STPG2: variants seen among roughly 807,000 people sequenced by gnomAD.
STPG2 encodes the protein sperm tail PG-rich repeat containing 2, also known as sperm-tail PG-rich repeat-containing protein 2.
STPG2 carries 56 observed loss-of-function variants against 54.2 expected under a neutral mutation model. The ratio of observed to expected loss-of-function variants is 1.03; its 90% CI spans 0.83 to 1.29. The LOEUF is 1.29. Ranked by LOEUF, STPG2 falls within the 50% of genes most tolerant of loss-of-function variation. The probability of loss-of-function intolerance (pLI) is 0.00; values close to 1 mark genes in which losing one functional copy is unlikely to be tolerated. For missense variants in STPG2, 596 were observed against 544.9 expected, an observed-to-expected ratio of 1.09 and a Z score of -0.93; for synonymous variants, 200 against 181.8, an observed-to-expected ratio of 1.10 and a Z score of -0.81.
chr4:97,867,978 T>G (rs1397525017), intron 8 of STPG2, among the ~76,000 whole-genome samples: 1 of 151,900 alleles, frequency 6.6e-6, no homozygotes, highest in African/African-American at 2.4e-5. Flanking sequence ...AAATTAGGGG[T>G]TTTATTTTTT....
chr4:98,055,890 C>T (rs1278563233), intron 5 of STPG2, among the ~76,000 whole-genome samples: 1 of 152,090 alleles, frequency 6.6e-6, no homozygotes, highest in East Asian at 1.9e-4. Flanking sequence ...TCTGGGAGCC[C>T]ACACCATAGC....
chr4:97,456,256 C>T (rs1202085104), intron 4 of STPG2, among the ~76,000 whole-genome samples: 1 of 152,070 alleles, frequency 6.6e-6, no homozygotes, highest in East Asian at 1.9e-4. Flanking sequence ...GCTGGGAGGC[C>T]TCAGGAAACT....
chr4:97,716,099 A>G (rs1484237236), intron 9 of STPG2, among the ~76,000 whole-genome samples: 2 of 152,210 alleles, frequency 1.3e-5, no homozygotes. Flanking sequence ...AAAGCTCATC[A>G]TCACTGGTCA....
chr4:97,953,566 G>C (rs993360353), intron 7 of STPG2, among the ~76,000 whole-genome samples: 1 of 152,182 alleles, frequency 6.6e-6, no homozygotes, highest in South Asian at 2.1e-4. Flanking sequence ...ACAGAATCAG[G>C]AATGGCTTCC....
intron 10 of STPG2, among the ~76,000 whole-genome samples, chr4:97,630,818 A>C (rs941274032): frequency 7.9e-5 from 12 of 151,878 alleles, no homozygotes; most frequent in Non-Finnish European, 1.2e-4. Flanking sequence ...TTAAAATACA[A>C]CAAAGAATAA....
At chr4:97,758,746 AAACC>A (rs1725804520) in intron 9 of STPG2, among the ~76,000 whole-genome samples, 10 of 152,146 alleles carry the variant, frequency 6.6e-5, no homozygotes, top group Admixed American at 6.6e-4. Context: ...CCTATGTAAG[AAACC>A]AGTACATTCT....
At chr4:97,920,734 G>C (rs1241029528) in intron 8 of STPG2, among the ~76,000 whole-genome samples, 2 of 152,202 alleles carry the variant, frequency 1.3e-5, no homozygotes, top group Non-Finnish European at 2.9e-5. Flanking sequence ...ATAGACGTGA[G>C]AAGTAAGAAA....
At chr4:97,763,074 G>T (rs1303259430) in intron 9 of STPG2, among the ~76,000 whole-genome samples, 1 of 152,048 alleles carries the variant, frequency 6.6e-6, no homozygotes, top group Non-Finnish European at 1.5e-5. Context: ...TGTATTATAA[G>T]TGCTGATACT....
At chr4:97,675,937 C>G (rs1201511218) in intron 10 of STPG2, among the ~76,000 whole-genome samples, 1 of 142,166 alleles carries the variant, frequency 7.0e-6, no homozygotes, top group African/African-American at 2.6e-5. Flanking sequence ...TATGTATATG[C>G]TATATATATA....
chr4:97,517,091 A>C (rs2148844757), intron 4 of STPG2, among the ~76,000 whole-genome samples: 1 of 151,880 alleles, frequency 6.6e-6, no homozygotes, highest in African/African-American at 2.4e-5. Context: ...TATTTTTAGT[A>C]AAGACAACGT....
intron 9 of STPG2, among the ~76,000 whole-genome samples, chr4:97,837,963 T>C (rs1466723551): frequency 2.0e-5 from 3 of 151,668 alleles, no homozygotes; most frequent in African/African-American, 7.2e-5. Flanking sequence ...TCTATATAGA[T>C]AGAAAGAAAA....
At chr4:97,823,543 AT>A (rs1429009221) in intron 9 of STPG2, among the ~76,000 whole-genome samples, 1 of 152,280 alleles carries the variant, frequency 6.6e-6, no homozygotes, top group East Asian at 1.9e-4. Flanking sequence ...TGGAGTAGCC[AT>A]TCTTTATTCC....
chr4:97,462,729 T>C (rs928431107), intron 4 of STPG2, among the ~76,000 whole-genome samples: 1 of 152,128 alleles, frequency 6.6e-6, no homozygotes, highest in Admixed American at 6.5e-5. Flanking sequence ...TTTATTTTTG[T>C]TCACTGACTG....
intron 9 of STPG2, among the ~76,000 whole-genome samples, chr4:97,726,890 C>T (rs1196476525): frequency 4.0e-5 from 6 of 151,500 alleles, no homozygotes; most frequent in East Asian, 1.9e-4. Flanking sequence ...TGGCAAGAGG[C>T]CTCCTCCAAC....
chr4:97,512,303 A>G (rs541100645), intron 4 of STPG2, among the ~76,000 whole-genome samples: 2 of 152,272 alleles, frequency 1.3e-5, no homozygotes, highest in South Asian at 2.1e-4. Context: ...CATGATTGGC[A>G]TCAATAACTA....
At chr4:97,992,521 G>A (rs1358449449) in intron 5 of STPG2, among the ~76,000 whole-genome samples, 1 of 152,128 alleles carries the variant, frequency 6.6e-6, no homozygotes, top group Admixed American at 6.6e-5. Context: ...ATAGTTTCAA[G>A]TCGAGTAATG....
At chr4:97,545,194 G>C (rs1731808499) in intron 4 of STPG2, among the ~76,000 whole-genome samples, 1 of 152,082 alleles carries the variant, frequency 6.6e-6, no homozygotes, top group Admixed American at 6.6e-5. Context: ...AAAAGGTAAA[G>C]TGAGTCAACC....
chr4:97,605,059 T>C (rs1733558949), intron 10 of STPG2, among the ~76,000 whole-genome samples: 1 of 151,738 alleles, frequency 6.6e-6, no homozygotes, highest in African/African-American at 2.4e-5. Flanking sequence ...TAACGGAAAA[T>C]AACCCATTAA....
intron 9 of STPG2, among the ~76,000 whole-genome samples, chr4:97,795,404 T>C (rs1481635897): frequency 6.6e-6 from 1 of 152,188 alleles, no homozygotes; most frequent in Non-Finnish European, 1.5e-5. Flanking sequence ...TGTCCAAGTG[T>C]TCTCATTGTT....
Sources: gnomAD v4.1 joint callset for allele counts (sites outside exome capture counted in the v4.1 genomes callset) on GRCh38, gnomAD v4.1.1 for gene constraint, MANE v1.5 for transcripts, NCBI Gene and HGNC (gene_info 2026-07-23, HGNC 2026-07-21) for gene names.